The following SLC45A4 variants were observed in gnomAD, a reference collection of about 807,000 sequenced individuals.
The protein encoded by SLC45A4 is solute carrier family 45 member 4, also known as polyamine-transporter SLC45A4.
SLC45A4 carries 32 observed loss-of-function variants against 63.7 expected under a neutral mutation model. That is an observed-to-expected ratio of 0.50 (90% CI 0.38 to 0.67). The LOEUF (loss-of-function observed/expected upper bound fraction) is 0.67, where lower values mean the gene tolerates loss of function less well. Among genes scored for constraint, SLC45A4 ranks in the 30% least tolerant of loss-of-function variants. The pLI, the probability that SLC45A4 is intolerant of heterozygous loss-of-function variation, is 0.00. For missense variants in SLC45A4, 1,027 were observed against 1,157.7 expected, an observed-to-expected ratio of 0.89 and a Z score of 1.64; for synonymous variants, 535 against 510.0, an observed-to-expected ratio of 1.05 and a Z score of -0.66.
rs778584267 is a variant in SLC45A4, at chr8:141,218,928, C to T, written c.712G>A (p.Ala238Thr). The change falls in exon 5 of 9, where the codon GCC (alanine) becomes ACC (threonine). Residue 238 changes from alanine (A) to threonine (T), a missense_variant. Ala to Thr is a moderately conservative substitution (Grantham distance 58, BLOSUM62 0). Transcript: ENST00000517878. ...ACGGACACCGTGAAGATGATGGCGG[C>T]AAAGAAGAAGAGCACCTGGTTCTGG... ...RTQNQVLFFF[A>T]AIIFTVSVAL... The T allele has an allele frequency of 6.2e-7, 1 of 1,613,734 alleles. No individual in the cohort carries two copies. Among genetic ancestry groups the T allele is most frequent in the Non-Finnish European group, 8.5e-7 (1 of 1,179,932 alleles).
chr8:141,207,586 C>T lies in SLC45A4; in HGVS notation c.*3986G>A, dbSNP rs1405830534. The T allele has an allele frequency of 1.3e-5, 2 of 152,272 alleles. No homozygotes were observed. The highest frequency in any genetic ancestry group is 2.9e-5 in the Non-Finnish European group (2 of 68,050). The allele number at this position is 152,272 out of a possible 1,614,324, so 9.4% of individuals were successfully genotyped here. ...AGTTCACAATGGAACTAAATAGTTT[C>T]GTTCCGAGATGCCTGGGGAGTTTCT... On this transcript the variant is annotated 3_prime_UTR_variant, in exon 9 of 9. Transcript: ENST00000517878.
intron 7 of SLC45A4, 38 bp from the exon 8 acceptor site, chr8:141,212,594 G>T: frequency 1.3e-6 from 2 of 1,554,202 alleles, no homozygotes; most frequent in Non-Finnish European, 1.7e-6. Flanking sequence ...AGCGGCTGGA[G>T]AAGGTGGCTG....
chr8:141,298,639 A>G (rs1830643562), intron 1 of SLC45A4, among the ~76,000 whole-genome samples: 1 of 152,170 alleles, frequency 6.6e-6, no homozygotes, highest in African/African-American at 2.4e-5. Context: ...GGAGCCAGGG[A>G]GCCAACCCAG....
chr8:141,295,499 A>G (rs1478842326), intron 1 of SLC45A4, among the ~76,000 whole-genome samples: 2 of 152,216 alleles, frequency 1.3e-5, no homozygotes, highest in South Asian at 4.1e-4. Flanking sequence ...GAACTACCGC[A>G]CTCAGCAGGG....
rs935453979 is a variant in SLC45A4 at position 141,278,513 on chromosome 8, G to A, written c.-400-23884C>T. ...TGAGCACCTGTGGTGGAGGCGGGGCGGGCGGCCGACCCACGAGGACACTGG... is the reference window on the plus strand; with the variant it reads ...TGAGCACCTGTGGTGGAGGCGGGGCAGGCGGCCGACCCACGAGGACACTGG... On this transcript the variant is annotated intron_variant, in intron 1 of 8. Transcript: ENST00000517878. The surrounding 1 kb of genome is among the most constrained non-coding windows in gnomAD (Gnocchi z 4.1). Among the ~76,000 whole-genome samples the A allele has an allele frequency of 2.1e-4, 32 of 151,852 alleles. No individual in the cohort carries two copies. Among genetic ancestry groups the A allele is most frequent in the South Asian group, 8.5e-4 (4 of 4,696 alleles).
Position 141,254,348 on chromosome 8 carries a change from A to G in SLC45A4, c.-119T>C. On this transcript the variant is annotated 5_prime_UTR_variant, in exon 2 of 9. Transcript: ENST00000517878. This position sits in a 1 kb window ranked among gnomAD's most constrained non-coding sequence, Gnocchi z 4.5. ...TCTGCTTCTGCTGTGTTCCTCGGGC[A>G]GGTAACACTTACATTCCTCTTTGCA... is the stretch of plus-strand genomic sequence containing the variant. The G allele has an allele frequency of 8.5e-7, 1 of 1,177,890 alleles. No individual in the cohort carries two copies. The highest frequency in any genetic ancestry group is 1.2e-6 in the Non-Finnish European group (1 of 863,372). The allele number at this position is 1,177,890 out of a possible 1,614,324, so 73.0% of individuals were successfully genotyped here.
Position 141,263,880 on chromosome 8 carries a change from C to T in SLC45A4, c.-400-9251G>A, listed in dbSNP as rs755305971. Among the ~76,000 whole-genome samples, 10 of 151,894 alleles carry T rather than the reference C, an allele frequency of 6.6e-5. No individual in the cohort carries two copies. The East Asian group carries it at 1.7e-3, about 26-fold the overall frequency. On this transcript the variant is annotated intron_variant, in intron 1 of 8. Coordinates refer to ENST00000517878, the MANE Select transcript of SLC45A4 (RefSeq NM_001286646.2). ...CTTGTCAAGGAGTGGCTATGAATAC[C>T]GAAAGATCTAGAGGGTGGAACTGCA... is the stretch of plus-strand genomic sequence containing the variant.
In SLC45A4 at chr8:141,208,557, G is replaced by A. The variant is rs1210969514; in HGVS notation, c.*3015C>T. ...GACAGAGTGCTTCTCCCAGGGGCCT[G>A]AGGCTTTCAAGGGCAGGTGTCCAAG... On this transcript the variant is annotated 3_prime_UTR_variant, in exon 9 of 9. Coordinates refer to ENST00000517878, the MANE Select transcript of SLC45A4 (RefSeq NM_001286646.2). 1 of 152,496 alleles carries A rather than the reference G, an allele frequency of 6.6e-6. No homozygotes were observed. Among genetic ancestry groups the A allele is most frequent in the African/African-American group, 2.4e-5 (1 of 41,450 alleles). 9.4% of individuals were successfully genotyped at this position (152,496 alleles called of 1,614,324 possible).
chr8:141,244,273 T>C (rs1828058936), intron 2 of SLC45A4, among the ~76,000 whole-genome samples: 1 of 152,154 alleles, frequency 6.6e-6, no homozygotes, highest in Non-Finnish European at 1.5e-5. Flanking sequence ...CAGCTCCAGA[T>C]GGAGTCCAGC....
rs987941572 is a variant in SLC45A4 at position 141,210,517 on chromosome 8, C to G, written c.*1055G>C. On this transcript the variant is annotated 3_prime_UTR_variant, in exon 9 of 9. Transcript: ENST00000517878. ...CAGGTACCCAACTGCCACCCGGACA[C>G]AAACACACAATCTACAAAGTGCCAC... The G allele has an allele frequency of 2.0e-5, 3 of 152,252 alleles. No individual in the cohort carries two copies. Among genetic ancestry groups the G allele is most frequent in the African/African-American group, 7.2e-5 (3 of 41,458 alleles). The allele number at this position is 152,252 out of a possible 1,614,324, so 9.4% of individuals were successfully genotyped here. A position where few individuals can be genotyped will look rare whatever the true frequency, so the allele number is the denominator to read the frequency against.
intron 8 of SLC45A4, 124 bp downstream of exon 8, chr8:141,212,073 G>C: frequency 7.1e-7 from 1 of 1,405,670 alleles, no homozygotes; most frequent in Non-Finnish European, 9.2e-7. Context: ...CCGCACTGCC[G>C]GGTCGGCCAC....
intron 1 of SLC45A4, among the ~76,000 whole-genome samples, chr8:141,273,250 G>C (rs1829606655): frequency 6.6e-6 from 1 of 152,186 alleles, no homozygotes; most frequent in African/African-American, 2.4e-5. Context: ...TTTTAATTAA[G>C]AGGCAATGAG....
At position 141,215,541 on chromosome 8, in the gene SLC45A4, G is replaced by A. The variant is rs1160876937; in HGVS notation, c.1941+218C>T. Among the ~76,000 whole-genome samples, 1 of 152,092 alleles carries A rather than the reference G, an allele frequency of 6.6e-6. No homozygotes were observed. Among genetic ancestry groups the A allele is most frequent in the East Asian group, 1.9e-4 (1 of 5,162 alleles). On this transcript the variant is annotated intron_variant, in intron 7 of 8. Coordinates refer to ENST00000517878, the MANE Select transcript of SLC45A4 (RefSeq NM_001286646.2). The surrounding 1 kb of genome is among the most constrained non-coding windows in gnomAD (Gnocchi z 4.3). ...AGAAGCCTCTGGAGGTGCTAGGGGG[G>A]TGGGGGCGGCTGAAGGAGAAGACCC...
At chr8:141,307,867 G>A in intron 1 of SLC45A4, among the ~76,000 whole-genome samples, 1 of 150,994 alleles carries the variant, frequency 6.6e-6, no homozygotes, top group Non-Finnish European at 1.5e-5. Flanking sequence ...GGTGCAATCC[G>A]GAAAGAGGAG....
intron 1 of SLC45A4, among the ~76,000 whole-genome samples, chr8:141,260,076 C>T (rs1010968182): frequency 1.4e-4 from 21 of 152,288 alleles, no homozygotes; most frequent in Middle Eastern, 3.4e-3. Flanking sequence ...AAGTAGTCTA[C>T]GCATGGACAC....
At position 141,243,186 on chromosome 8, in the gene SLC45A4, C is replaced by T. The variant is rs186310644; in HGVS notation, c.241+10803G>A. ...GAAAGTCAGGGGGACCCCATGTCTG[C>T]CTTCTGTGTCCCAAGACACTGCATG... On this transcript the variant is annotated intron_variant, in intron 2 of 8. Transcript: ENST00000517878. Among the ~76,000 whole-genome samples the T allele has an allele frequency of 3.1e-3, 471 of 152,346 alleles. 2 individuals are homozygous for T. The highest frequency in any genetic ancestry group is 0.011 in the African/African-American group (443 of 41,578).
Position 141,229,417 on chromosome 8 carries a change from A to G in SLC45A4, c.242-7652T>C, listed in dbSNP as rs1569558241. On this transcript the variant is annotated intron_variant, in intron 2 of 8. Coordinates refer to ENST00000517878, the MANE Select transcript of SLC45A4 (RefSeq NM_001286646.2). This position sits in a 1 kb window ranked among gnomAD's most constrained non-coding sequence, Gnocchi z 5.0. ...CCCACCCCACCCTACCTCCTCTTCT[A>G]GAAAACACCAGGCTCACATCCCGCT... Among the ~76,000 whole-genome samples, 1 of 151,886 alleles carries G rather than the reference A, an allele frequency of 6.6e-6. No homozygotes were observed. The highest frequency in any genetic ancestry group is 1.5e-5 in the Non-Finnish European group (1 of 67,962).
chr8:141,255,734 C>CAA (rs1293963856), intron 1 of SLC45A4, among the ~76,000 whole-genome samples: 2 of 75,728 alleles, frequency 2.6e-5, no homozygotes, highest in East Asian at 1.6e-3. Flanking sequence ...AAAACAAAAA[C>CAA]AAACAAACAA....
Position 141,211,564 on chromosome 8 carries a change from T to C in SLC45A4, c.*8A>G. On this transcript the variant is annotated 3_prime_UTR_variant, in exon 9 of 9. Transcript: ENST00000517878. ...AACTCGCTGAGGAAAAGAAGATACG[T>C]CATTCTTCTAAGAGAACCACATTGT... is the stretch of plus-strand genomic sequence containing the variant. 1 of 1,613,328 alleles carries C rather than the reference T, an allele frequency of 6.2e-7. No homozygotes were observed. The highest frequency in any genetic ancestry group is 8.5e-7 in the Non-Finnish European group (1 of 1,179,958).
Sources: allele counts gnomAD v4.1 joint callset (sites outside exome capture counted in the v4.1 genomes callset), GRCh38; gene constraint gnomAD v4.1.1; non-coding constraint Gnocchi (gnomAD v3.1); transcripts MANE v1.5; gene names NCBI Gene and HGNC (gene_info 2026-07-23, HGNC 2026-07-21).